The following TGFB2 variants were observed in gnomAD, a reference collection of about 807,000 sequenced individuals.
TGFB2 encodes the protein transforming growth factor beta 2.
TGFB2 carries 13 observed loss-of-function variants against 42.7 expected under a neutral mutation model. The ratio of observed to expected loss-of-function variants is 0.30; its 90% CI spans 0.20 to 0.48. TGFB2 has a LOEUF of 0.48. Among genes scored for constraint, TGFB2 ranks in the 20% least tolerant of loss-of-function variants. The pLI, the probability that TGFB2 is intolerant of heterozygous loss-of-function variation, is 0.99. For missense variants in TGFB2, 390 were observed against 517.5 expected (o/e 0.75, Z 2.39); for synonymous variants, 193 against 193.6 (o/e 1.00, Z 0.03).
At chr1:218,396,267 T>A (rs1464419636) in intron 1 of TGFB2, among the ~76,000 whole-genome samples, 1 of 152,230 alleles carries the variant, frequency 6.6e-6, no homozygotes, top group Admixed American at 6.5e-5. Context: ...ATCAGGTGAT[T>A]TTGATGCAGG....
chr1:218,370,330 T>C (rs1403037032), intron 1 of TGFB2, among the ~76,000 whole-genome samples: 1 of 152,218 alleles, frequency 6.6e-6, no homozygotes, highest in Non-Finnish European at 1.5e-5. Context: ...GATTTGCCCC[T>C]TCATGTAATT....
chr1:218,419,485 A>T (rs1426907711), intron 2 of TGFB2, among the ~76,000 whole-genome samples: 2 of 151,890 alleles, frequency 1.3e-5, no homozygotes, highest in Non-Finnish European at 2.9e-5. Context: ...GCCATATTTG[A>T]TCTATTCCAT....
intron 1 of TGFB2, among the ~76,000 whole-genome samples, chr1:218,358,548 C>CTTTTT (rs34141354): frequency 7.5e-6 from 1 of 134,064 alleles, no homozygotes; most frequent in Non-Finnish European, 1.6e-5. Flanking sequence ...ATAGTGAACT[C>CTTTTT]TTTTTTTTTT....
chr1:218,377,958 G>GTGTT (rs67890412), intron 1 of TGFB2, among the ~76,000 whole-genome samples: 4,149 of 149,262 alleles, frequency 0.028, 61 homozygotes, highest in African/African-American at 0.033. Context: ...ATATTATAGT[G>GTGTT]TGTTTGTTTG....
At chr1:218,363,144 G>T (rs1220607262) in intron 1 of TGFB2, among the ~76,000 whole-genome samples, 1 of 152,166 alleles carries the variant, frequency 6.6e-6, no homozygotes, top group Non-Finnish European at 1.5e-5. Flanking sequence ...GAAGATCTGG[G>T]ACTAAAATCT....
chr1:218,425,333 G>A (rs781781895), intron 2 of TGFB2, among the ~76,000 whole-genome samples: 38 of 151,832 alleles, frequency 2.5e-4, no homozygotes, highest in Non-Finnish European at 2.8e-4. Context: ...TCAGCCTCCC[G>A]AGTAGCTGGG....
chr1:218,431,881 G>C (rs1002892091), intron 2 of TGFB2, among the ~76,000 whole-genome samples: 3 of 152,208 alleles, frequency 2.0e-5, no homozygotes, highest in Non-Finnish European at 2.9e-5. Context: ...CCAACTGGGA[G>C]TATTTTCAAG....
intron 2 of TGFB2, 102 bp from the exon 3 acceptor site, chr1:218,433,980 G>A (rs1659887583): frequency 4.0e-6 from 6 of 1,491,728 alleles, no homozygotes; most frequent in South Asian, 1.3e-5. Flanking sequence ...CTACAGTAGA[G>A]CTAAATTTAG....
intron 1 of TGFB2, among the ~76,000 whole-genome samples, chr1:218,400,845 G>T (rs1476650546): frequency 1.3e-5 from 2 of 152,042 alleles, no homozygotes; most frequent in African/African-American, 4.8e-5. Context: ...TGGCCACTGG[G>T]CGGGCCAGGG....
At chr1:218,374,847 A>G (rs1657689237) in intron 1 of TGFB2, among the ~76,000 whole-genome samples, 1 of 152,108 alleles carries the variant, frequency 6.6e-6, no homozygotes, top group Non-Finnish European at 1.5e-5. Context: ...TTATAAAGGG[A>G]CATTTAGGCT....
Position 218,359,160 on chromosome 1 carries a change from T to G in TGFB2, c.346+12113T>G, listed in dbSNP as rs561319565. Among the ~76,000 whole-genome samples, 6 of 152,306 alleles carry G rather than the reference T, an allele frequency of 3.9e-5. No homozygotes were observed. The South Asian group carries it at 1.0e-3, about 26-fold the overall frequency. On this transcript the variant is annotated intron_variant, in intron 1 of 6. Transcript: ENST00000366930. ...CAGAAGCAAAGCTGAATAATAGCCA[T>G]GACCTCAGGCTCTGAAGCAGGAGGT...
At chr1:218,362,385 A>G (rs981251379) in intron 1 of TGFB2, among the ~76,000 whole-genome samples, 7 of 152,184 alleles carry the variant, frequency 4.6e-5, no homozygotes, top group Admixed American at 1.3e-4. Context: ...CAAGTTAGAC[A>G]ACTGCTCATA....
intron 2 of TGFB2, among the ~76,000 whole-genome samples, chr1:218,419,917 G>GA (rs904749658): frequency 2.1e-4 from 32 of 152,092 alleles, no homozygotes; most frequent in Admixed American, 3.3e-4. Flanking sequence ...GATGTTTTCA[G>GA]AAAAAACAAG....
intron 1 of TGFB2, among the ~76,000 whole-genome samples, chr1:218,364,192 G>A (rs1657310324): frequency 6.6e-6 from 1 of 152,128 alleles, no homozygotes; most frequent in Admixed American, 6.5e-5. Context: ...TTTGCTTAAG[G>A]AAATGGATCG....
chr1:218,382,661 G>T (rs879168117), intron 1 of TGFB2, among the ~76,000 whole-genome samples: 1 of 151,980 alleles, frequency 6.6e-6, no homozygotes, highest in Non-Finnish European at 1.5e-5. Context: ...CTGGACATTT[G>T]GACACATAGG....
chr1:218,367,749 C>T (rs569993117), intron 1 of TGFB2, among the ~76,000 whole-genome samples: 2 of 152,274 alleles, frequency 1.3e-5, no homozygotes, highest in Admixed American at 6.5e-5. Flanking sequence ...ATGTCAAATG[C>T]ATGTAGAGAC....
chr1:218,375,103 C>A (rs955873023), intron 1 of TGFB2, among the ~76,000 whole-genome samples: 1 of 152,102 alleles, frequency 6.6e-6, no homozygotes, highest in Non-Finnish European at 1.5e-5. Flanking sequence ...CCTGGAGGGA[C>A]CCCTGTTTAG....
chr1:218,349,784 A>T (rs1656809821), intron 1 of TGFB2, among the ~76,000 whole-genome samples: 1 of 152,244 alleles, frequency 6.6e-6, no homozygotes, highest in African/African-American at 2.4e-5. Flanking sequence ...TTTGTCTTAA[A>T]TATTATCCTT....
rs1004111898 is a variant in TGFB2, at chr1:218,346,606, C to A, written c.-96C>A. On this transcript the variant is annotated 5_prime_UTR_variant, in exon 1 of 7. Coordinates refer to ENST00000366930, the MANE Select transcript of TGFB2 (RefSeq NM_003238.6). The surrounding 1 kb of genome is among the most constrained non-coding windows in gnomAD (Gnocchi z 4.9). ...CATCAAAAACAACAACAACAAAAAACCAAACAACTCTCCTTGATCTATACT... is the reference window on the plus strand; with the variant it reads ...CATCAAAAACAACAACAACAAAAAAACAAACAACTCTCCTTGATCTATACT... The A allele has an allele frequency of 2.2e-4, 257 of 1,158,906 alleles. No individual in the cohort carries two copies. Among genetic ancestry groups the A allele is most frequent in the Middle Eastern group, 2.1e-3 (8 of 3,780 alleles). 71.8% of individuals were successfully genotyped at this position (1,158,906 alleles called of 1,614,324 possible).
Sources: allele counts gnomAD v4.1 joint callset (sites outside exome capture counted in the v4.1 genomes callset), GRCh38; gene constraint gnomAD v4.1.1; non-coding constraint Gnocchi (gnomAD v3.1); transcripts MANE v1.5; gene names NCBI Gene and HGNC (gene_info 2026-07-23, HGNC 2026-07-21).